Variants in ST18 observed in about 807,000 individuals in gnomAD.
ST18 encodes the protein ST18 C2H2C-type zinc finger transcription factor.
A neutral mutation model predicts 110.0 loss-of-function variants in ST18; 50 were observed. That is an observed-to-expected ratio of 0.45 (90% CI 0.36 to 0.58). The LOEUF (loss-of-function observed/expected upper bound fraction) is 0.58. Ranked by LOEUF, ST18 falls within the 20% of genes least tolerant of loss-of-function variation. The pLI, the probability that ST18 is intolerant of heterozygous loss-of-function variation, is 0.00. For missense variants in ST18, 1,306 were observed against 1,280.1 expected (o/e 1.02, Z -0.31); for synonymous variants, 461 against 452.4 (o/e 1.02, Z -0.24).
intron 16 of ST18, among the ~76,000 whole-genome samples, chr8:52,148,807 T>C (rs558526073): frequency 5.3e-5 from 8 of 152,116 alleles, no homozygotes; most frequent in Non-Finnish European, 1.0e-4. Context: ...TACTTTGAGA[T>C]GTTAAGCATG....
At chr8:52,246,283 A>G (rs1263222948) in intron 2 of ST18, among the ~76,000 whole-genome samples, 2 of 152,080 alleles carry the variant, frequency 1.3e-5, no homozygotes, top group Non-Finnish European at 2.9e-5. Context: ...GTATCAATTA[A>G]AAGAAACAAT....
At chr8:52,234,353 C>A in intron 2 of ST18, among the ~76,000 whole-genome samples, 1 of 152,074 alleles carries the variant, frequency 6.6e-6, no homozygotes, top group Admixed American at 6.5e-5. Context: ...CAACCTCCGC[C>A]CCCCGGATTC....
chr8:52,213,247 A>G (rs2082868131), intron 7 of ST18, among the ~76,000 whole-genome samples: 1 of 152,196 alleles, frequency 6.6e-6, no homozygotes, highest in Admixed American at 6.5e-5. Context: ...GTAACTGAAA[A>G]AAATTTTCCT....
At chr8:52,273,968 A>G (rs2095157366) in intron 2 of ST18, among the ~76,000 whole-genome samples, 1 of 152,210 alleles carries the variant, frequency 6.6e-6, no homozygotes, top group Non-Finnish European at 1.5e-5. Context: ...TGAGTTCAGC[A>G]GTTCTGTAAC....
intron 8 of ST18, chr8:52,194,731 A>AG (rs1433555951): frequency 2.6e-5 from 4 of 152,268 alleles, no homozygotes; most frequent in African/African-American, 9.7e-5. Flanking sequence ...AAGAAGAGAC[A>AG]AGAAGTAAGC....
At chr8:52,260,041 A>G (rs1291355012) in intron 2 of ST18, among the ~76,000 whole-genome samples, 3 of 152,234 alleles carry the variant, frequency 2.0e-5, no homozygotes, top group African/African-American at 7.2e-5. Flanking sequence ...TGATGTCATC[A>G]GTAAGAAACC....
chr8:52,115,174 G>C (rs1013180439), intron 25 of ST18, among the ~76,000 whole-genome samples: 3 of 151,984 alleles, frequency 2.0e-5, no homozygotes, highest in African/African-American at 7.3e-5. Flanking sequence ...TAAAATGGAG[G>C]GGCTTAATGT....
chr8:52,365,194 C>G (rs1267521116), intron 2 of ST18, among the ~76,000 whole-genome samples: 1 of 137,912 alleles, frequency 7.3e-6, no homozygotes, highest in Non-Finnish European at 1.5e-5. Flanking sequence ...AAAACAAACA[C>G]AAAGTAATAA....
chr8:52,337,358 A>G (rs536323304), intron 2 of ST18, among the ~76,000 whole-genome samples: 24 of 152,182 alleles, frequency 1.6e-4, no homozygotes, highest in Non-Finnish European at 3.2e-4. Context: ...CTTCAGTTTC[A>G]TGTTCTTTGA....
chr8:52,158,806 G>A lies in ST18; in HGVS notation c.1806+92C>T, dbSNP rs369511395. ...GGATCGCTTCAGAGGTTGGGGAGCA[G>A]AGTGGTAGTGAATGTAGTTAGGAAC... On this transcript the variant is annotated intron_variant, in intron 15 of 25. Transcript: ENST00000689386. The A allele has an allele frequency of 2.7e-5, 38 of 1,407,862 alleles. No individual in the cohort carries two copies. In the East Asian group the frequency reaches 4.6e-4, roughly 17 times the overall value. 87.2% of individuals were successfully genotyped at this position (1,407,862 alleles called of 1,614,324 possible).
At chr8:52,341,672 T>A (rs2140205702) in intron 2 of ST18, among the ~76,000 whole-genome samples, 1 of 152,298 alleles carries the variant, frequency 6.6e-6, no homozygotes, top group Admixed American at 6.5e-5. Flanking sequence ...TGGTCAGAAT[T>A]TTGCTATAAG....
chr8:52,319,235 T>G (rs1026827104), intron 2 of ST18, among the ~76,000 whole-genome samples: 1 of 152,244 alleles, frequency 6.6e-6, no homozygotes, highest in Non-Finnish European at 1.5e-5. Flanking sequence ...ATTTCAGGTA[T>G]GTTTGAAAGA....
At chr8:52,237,838 T>C (rs1282442936) in intron 2 of ST18, among the ~76,000 whole-genome samples, 2 of 151,984 alleles carry the variant, frequency 1.3e-5, no homozygotes, top group Non-Finnish European at 2.9e-5. Flanking sequence ...CCCTTGTATC[T>C]AGAATAAATA....
intron 2 of ST18, among the ~76,000 whole-genome samples, chr8:52,322,451 T>G (rs1227365604): frequency 6.6e-6 from 1 of 152,242 alleles, no homozygotes; most frequent in Non-Finnish European, 1.5e-5. Flanking sequence ...ATTGTGACAA[T>G]GATATCTGAC....
rs1019655437 is a variant in ST18, at chr8:52,126,935, G to A, written c.2667-795C>T. ...CATTGAAGAAAACTTGTTTTTCAACGTTTATGATCAGATAATTTTGTTGTT... is the reference window on the plus strand; with the variant it reads ...CATTGAAGAAAACTTGTTTTTCAACATTTATGATCAGATAATTTTGTTGTT... On this transcript the variant is annotated intron_variant, in intron 22 of 25. Coordinates refer to ENST00000689386, the MANE Select transcript of ST18 (RefSeq NM_001352837.2). Among the ~76,000 whole-genome samples, 5 of 152,220 alleles carry A rather than the reference G, an allele frequency of 3.3e-5. No homozygotes were observed. The East Asian group carries it at 7.7e-4, about 23-fold the overall frequency.
intron 2 of ST18, among the ~76,000 whole-genome samples, chr8:52,287,381 A>G (rs902787306): frequency 2.0e-5 from 3 of 152,190 alleles, no homozygotes; most frequent in Non-Finnish European, 4.4e-5. Flanking sequence ...ATTACATTCA[A>G]GAAGGTGATG....
intron 22 of ST18, among the ~76,000 whole-genome samples, chr8:52,128,614 C>T (rs2048010686): frequency 6.6e-6 from 1 of 152,040 alleles, no homozygotes; most frequent in South Asian, 2.1e-4. Context: ...TCTTAAACGT[C>T]CTACAAAGTG....
chr8:52,244,728 G>A (rs1014441251), intron 2 of ST18, among the ~76,000 whole-genome samples: 3 of 152,262 alleles, frequency 2.0e-5, no homozygotes, highest in African/African-American at 7.2e-5. Context: ...CACTGTACTT[G>A]AAAGGTTATG....
At chr8:52,140,293 G>T (rs2054426226) in intron 17 of ST18, among the ~76,000 whole-genome samples, 1 of 152,194 alleles carries the variant, frequency 6.6e-6, no homozygotes, top group African/African-American at 2.4e-5. Context: ...ACTTTGGGAG[G>T]CTGAGATGGG....
Sources: allele counts gnomAD v4.1 joint callset (sites outside exome capture counted in the v4.1 genomes callset), GRCh38; gene constraint gnomAD v4.1.1; transcripts MANE v1.5; gene names NCBI Gene and HGNC (gene_info 2026-07-23, HGNC 2026-07-21).